TG: variants seen among roughly 807,000 people sequenced by gnomAD.
The protein encoded by TG is thyroglobulin.
TG carries 270 observed loss-of-function variants against 324.7 expected under a neutral mutation model. The ratio of observed to expected loss-of-function variants is 0.83; its 90% confidence interval spans 0.75 to 0.92. The LOEUF is 0.92. TG is among the 40% of genes least tolerant of loss of function. The pLI, the probability that TG is intolerant of heterozygous loss-of-function variation, is 0.00. For synonymous variants in TG, 1,401 were observed against 1,327.0 expected, an observed-to-expected ratio of 1.06 and a Z score of -1.21; for missense variants, 3,591 against 3,456.4, an observed-to-expected ratio of 1.04 and a Z score of -0.98.
intron 29 of TG, chr8:132,964,653 C>A: frequency 2.0e-6 from 1 of 493,502 alleles, no homozygotes; most frequent in South Asian, 3.1e-5. Context: ...TAGGAAATGG[C>A]TTAATCTAAT....
chr8:132,867,988 AT>A (rs1237356414), intron 1 of TG, 126 bp from the exon 2 acceptor site: 7 of 837,078 alleles, frequency 8.4e-6, no homozygotes, highest in Non-Finnish European at 1.4e-5. Flanking sequence ...TAGCTGCCAA[AT>A]TTTAAAATAG....
At chr8:132,924,812 C>T (rs1350808400) in intron 22 of TG, among the ~76,000 whole-genome samples, 1 of 152,184 alleles carries the variant, frequency 6.6e-6, no homozygotes, top group African/African-American at 2.4e-5. Context: ...AGTGCCTTAG[C>T]AATGGCATTA....
At chr8:132,948,262 C>T (rs867038986) in intron 26 of TG, among the ~76,000 whole-genome samples, 18 of 96,342 alleles carry the variant, frequency 1.9e-4, no homozygotes, top group Non-Finnish European at 2.6e-4. Context: ...TGTGTGTGTG[C>T]ATGTGAGAGA....
At position 133,106,128 on chromosome 8, in the gene TG, G is replaced by T. The variant is rs182380316; in HGVS notation, c.7573-7294G>T. Among the ~76,000 whole-genome samples the T allele has an allele frequency of 1.5e-3, 230 of 152,314 alleles. 3 individuals carry two copies. The South Asian group carries it at 0.021, about 14-fold the overall frequency. ...GCACACTGAAGGTCTGAAAGAGCCAGTGGGGGGGTTTGCCCAGCGAGGGGC... is the reference window on the plus strand; with the variant it reads ...GCACACTGAAGGTCTGAAAGAGCCATTGGGGGGGTTTGCCCAGCGAGGGGC... On this transcript the variant is annotated intron_variant, in intron 43 of 47. Coordinates refer to ENST00000220616, the MANE Select transcript of TG (RefSeq NM_003235.5).
intron 41 of TG, among the ~76,000 whole-genome samples, chr8:133,067,897 AGGAAGGAAGGAAGGAAGGAAAGAGAG>A (rs1564145763): frequency 1.7e-5 from 2 of 115,890 alleles, no homozygotes; most frequent in African/African-American, 5.6e-5. Context: ...TATGTATGGA[AGGAAGGAAGGAAGGAAGGAAAGAGAG>A]AGAGAGAGAA....
intron 25 of TG, among the ~76,000 whole-genome samples, chr8:132,938,360 G>GA (rs1259812966): frequency 6.6e-6 from 1 of 152,084 alleles, no homozygotes; most frequent in Non-Finnish European, 1.5e-5. Flanking sequence ...GGGTCTCTCA[G>GA]AATCAAAGGA....
intron 25 of TG, 31 bp from the exon 26 acceptor site, chr8:132,941,320 C>A (rs1473051744): frequency 1.2e-6 from 2 of 1,614,008 alleles, no homozygotes; most frequent in Non-Finnish European, 1.7e-6. Flanking sequence ...GTTTTGAGGT[C>A]TTTTAAAATT....
At chr8:133,002,992 C>G in intron 35 of TG, 1 of 1,020,870 alleles carries the variant, frequency 9.8e-7, no homozygotes. Context: ...TCACATGTAC[C>G]TGGCCAAACG....
At chr8:133,077,680 G>A (rs956955624) in intron 41 of TG, among the ~76,000 whole-genome samples, 3 of 152,030 alleles carry the variant, frequency 2.0e-5, no homozygotes, top group Non-Finnish European at 2.9e-5. Context: ...AACCCCAAGC[G>A]GGGTCTCAGC....
At chr8:132,938,834 C>T (rs903674989) in intron 25 of TG, among the ~76,000 whole-genome samples, 12 of 152,004 alleles carry the variant, frequency 7.9e-5, no homozygotes, top group Admixed American at 5.2e-4. Flanking sequence ...AGGCAGATCA[C>T]GAGGTCAGGA....
At chr8:132,926,851 G>C (rs980231528) in intron 22 of TG, among the ~76,000 whole-genome samples, 6 of 152,192 alleles carry the variant, frequency 3.9e-5, no homozygotes, top group Non-Finnish European at 7.3e-5. Context: ...CGAGCTGAGG[G>C]CTCACTCCTG....
At chr8:132,920,253 C>G (rs765962592) in intron 21 of TG, among the ~76,000 whole-genome samples, 3 of 152,134 alleles carry the variant, frequency 2.0e-5, no homozygotes, top group African/African-American at 7.2e-5. Flanking sequence ...TTTTTCCTAG[C>G]AAGGACCCAT....
chr8:133,121,246 G>A (rs905901058), intron 45 of TG, among the ~76,000 whole-genome samples: 6 of 152,118 alleles, frequency 3.9e-5, no homozygotes, highest in Admixed American at 6.5e-5. Flanking sequence ...TTTGCCACCC[G>A]TGAAGTGGGA....
chr8:133,012,487 C>A (rs1360703436), intron 36 of TG, among the ~76,000 whole-genome samples: 3 of 152,138 alleles, frequency 2.0e-5, no homozygotes, highest in Non-Finnish European at 4.4e-5. Context: ...TTTTAATAGG[C>A]AAAGCTGCCC....
At chr8:133,061,738 AG>A (rs1842395765) in intron 41 of TG, among the ~76,000 whole-genome samples, 1 of 152,164 alleles carries the variant, frequency 6.6e-6, no homozygotes, top group African/African-American at 2.4e-5. Context: ...AGGGCACAAA[AG>A]TCAGCCCATC....
intron 25 of TG, among the ~76,000 whole-genome samples, chr8:132,937,101 C>T (rs1823720965): frequency 1.3e-5 from 2 of 152,172 alleles, no homozygotes; most frequent in African/African-American, 2.4e-5. Context: ...TTTCTGTAAT[C>T]ATCTTTGTTC....
At chr8:133,096,703 G>A (rs1052817615) in intron 43 of TG, among the ~76,000 whole-genome samples, 4 of 152,192 alleles carry the variant, frequency 2.6e-5, no homozygotes, top group African/African-American at 7.2e-5. Context: ...GATGCTTGTT[G>A]TACTGAGAAC....
At chr8:133,061,623 G>A (rs1842378771) in intron 41 of TG, among the ~76,000 whole-genome samples, 1 of 152,300 alleles carries the variant, frequency 6.6e-6, no homozygotes, top group Admixed American at 6.5e-5. Flanking sequence ...TGCTTTGTGG[G>A]GTCAAAGAGA....
intron 41 of TG, chr8:133,064,312 G>A (rs550217518): frequency 6.6e-6 from 1 of 152,326 alleles, no homozygotes; most frequent in South Asian, 2.1e-4. Context: ...TTCAAATGAA[G>A]TCCTATTAGA....
Sources: gnomAD v4.1 joint callset for allele counts (sites outside exome capture counted in the v4.1 genomes callset) on GRCh38, gnomAD v4.1.1 for gene constraint, MANE v1.5 for transcripts, NCBI Gene and HGNC (gene_info 2026-07-23, HGNC 2026-07-21) for gene names.